The following ZNF385D variants were observed in gnomAD, a reference collection of about 807,000 sequenced individuals.
ZNF385D encodes zinc finger protein 659.
A neutral mutation model predicts 35.8 loss-of-function variants in ZNF385D; 15 were observed. That is an observed-to-expected ratio of 0.42 (90% CI 0.28 to 0.64). ZNF385D has a LOEUF of 0.64. ZNF385D is among the 30% of genes least tolerant of loss of function. ZNF385D has a pLI of 0.23. For synonymous variants in ZNF385D, 212 were observed against 186.8 expected (o/e 1.13, Z -1.10); for missense variants, 474 against 494.6 (o/e 0.96, Z 0.39).
chr3:22,213,408 G>A (rs886656463), intron 2 of ZNF385D, among the ~76,000 whole-genome samples: 1 of 152,020 alleles, frequency 6.6e-6, no homozygotes, highest in African/African-American at 2.4e-5. Context: ...TGGATCTAAA[G>A]CAGAGTGATT....
At chr3:22,094,606 T>G (rs1701516736) in intron 3 of ZNF385D, among the ~76,000 whole-genome samples, 1 of 151,658 alleles carries the variant, frequency 6.6e-6, no homozygotes, top group Admixed American at 6.6e-5. Context: ...AAGGTGTGGT[T>G]TTGAGGACAT....
chr3:21,440,325 G>A lies in ZNF385D; in HGVS notation c.440-3122C>T, dbSNP rs555501423. On this transcript the variant is annotated intron_variant, in intron 4 of 7. Transcript: ENST00000281523. ...ATGATGTGATGAAAATTACCTCTGT[G>A]GGCTTCCTTCTCGTAACCCCTGTCT... is the stretch of plus-strand genomic sequence containing the variant. Among the ~76,000 whole-genome samples the A allele has an allele frequency of 6.6e-5, 10 of 152,120 alleles. No individual in the cohort carries two copies. The South Asian group carries it at 1.9e-3, about 28-fold the overall frequency.
chr3:21,863,951 CTGGGGA>C (rs1238274962), intron 3 of ZNF385D, among the ~76,000 whole-genome samples: 43 of 152,140 alleles, frequency 2.8e-4, no homozygotes, highest in African/African-American at 5.1e-4. Flanking sequence ...TTCAGCAAAT[CTGGGGA>C]AGATGCTACA....
At chr3:21,434,976 A>G (rs1217701885) in intron 5 of ZNF385D, among the ~76,000 whole-genome samples, 3 of 152,156 alleles carry the variant, frequency 2.0e-5, no homozygotes, top group African/African-American at 4.8e-5. Context: ...TAAGATTGTT[A>G]TAATAGTTCT....
At chr3:21,587,218 AT>A in intron 2 of ZNF385D, among the ~76,000 whole-genome samples, 1 of 152,308 alleles carries the variant, frequency 6.6e-6, no homozygotes, top group East Asian at 1.9e-4. Context: ...ACTCAAATGT[AT>A]ACATAAGAAA....
intron 3 of ZNF385D, among the ~76,000 whole-genome samples, chr3:22,059,906 C>G (rs2125539428): frequency 6.6e-6 from 1 of 152,248 alleles, no homozygotes; most frequent in Admixed American, 6.5e-5. Flanking sequence ...TCCACCTTCA[C>G]CAATGTGGGC....
intron 3 of ZNF385D, among the ~76,000 whole-genome samples, chr3:21,800,262 T>G (rs1161853336): frequency 6.6e-6 from 1 of 152,222 alleles, no homozygotes; most frequent in Non-Finnish European, 1.5e-5. Flanking sequence ...AAGATCTATG[T>G]GTTCATTTAC....
chr3:22,330,405 T>C (rs908981676), intron 2 of ZNF385D, among the ~76,000 whole-genome samples: 2 of 152,208 alleles, frequency 1.3e-5, no homozygotes, highest in African/African-American at 4.8e-5. Context: ...TTTTGGAATG[T>C]AGGTTTGCAG....
At chr3:21,825,878 G>C (rs1368639017) in intron 3 of ZNF385D, among the ~76,000 whole-genome samples, 1 of 152,172 alleles carries the variant, frequency 6.6e-6, no homozygotes, top group Non-Finnish European at 1.5e-5. Flanking sequence ...CAAAGGTTAC[G>C]GCCTGAGCTC....
At chr3:21,928,745 A>G (rs1395657725) in intron 3 of ZNF385D, among the ~76,000 whole-genome samples, 1 of 152,202 alleles carries the variant, frequency 6.6e-6, no homozygotes, top group Non-Finnish European at 1.5e-5. Flanking sequence ...GATAAAATGG[A>G]CATATTCATA....
In ZNF385D at chr3:21,456,945, T is replaced by C. The variant is rs76140979; in HGVS notation, c.440-19742A>G. Among the ~76,000 whole-genome samples the C allele has an allele frequency of 9.7e-3, 1,470 of 152,264 alleles. 19 individuals are homozygous for C. The highest frequency in any genetic ancestry group is 0.033 in the African/African-American group (1,372 of 41,552). ...CCCCTTTATCTCCCTTGCCTTTTTCTTCTCCATTGCAGTTATCACATTCAA... is the reference window on the plus strand; with the variant it reads ...CCCCTTTATCTCCCTTGCCTTTTTCCTCTCCATTGCAGTTATCACATTCAA... On this transcript the variant is annotated intron_variant, in intron 4 of 7. Coordinates refer to ENST00000281523, the MANE Select transcript of ZNF385D (RefSeq NM_024697.3).
intron 3 of ZNF385D, among the ~76,000 whole-genome samples, chr3:21,995,959 A>G (rs536198805): frequency 2.0e-5 from 3 of 152,028 alleles, no homozygotes; most frequent in African/African-American, 7.2e-5. Flanking sequence ...AGTGCTGGGG[A>G]CCTGGCTGCA....
chr3:22,024,026 G>C (rs764676109), intron 3 of ZNF385D, among the ~76,000 whole-genome samples: 6 of 152,126 alleles, frequency 3.9e-5, no homozygotes, highest in Non-Finnish European at 5.9e-5. Flanking sequence ...ATTAACATTT[G>C]AGTAAGTGGA....
chr3:21,612,390 G>A (rs915010374), intron 2 of ZNF385D, among the ~76,000 whole-genome samples: 6 of 152,062 alleles, frequency 3.9e-5, no homozygotes, highest in African/African-American at 7.2e-5. Context: ...GAGCCACCAC[G>A]CCTGGCTGGA....
intron 1 of ZNF385D, among the ~76,000 whole-genome samples, chr3:21,696,001 G>A (rs1051092968): frequency 3.3e-5 from 5 of 152,090 alleles, no homozygotes; most frequent in Non-Finnish European, 7.4e-5. Flanking sequence ...AGTGCTAGTG[G>A]TATTATAGCC....
At chr3:21,499,287 A>T (rs1448115500) in intron 4 of ZNF385D, among the ~76,000 whole-genome samples, 1 of 152,216 alleles carries the variant, frequency 6.6e-6, no homozygotes, top group Admixed American at 6.5e-5. Context: ...ACCATGGAAT[A>T]CTATGTAAAC....
chr3:22,273,917 T>C (rs1206952450), intron 2 of ZNF385D, among the ~76,000 whole-genome samples: 1 of 152,148 alleles, frequency 6.6e-6, no homozygotes, highest in African/African-American at 2.4e-5. Context: ...ATGTTTTTCC[T>C]ACAAAAAGAA....
chr3:21,618,655 C>T (rs1277035248), intron 2 of ZNF385D, among the ~76,000 whole-genome samples: 1 of 152,082 alleles, frequency 6.6e-6, no homozygotes, highest in African/African-American at 2.4e-5. Flanking sequence ...AATCAGTACA[C>T]CTTAGGTTCT....
At position 21,651,287 on chromosome 3, in the gene ZNF385D, C is replaced by CA. The variant is rs71044931; in HGVS notation, c.165+13598dup. Among the ~76,000 whole-genome samples, 184 of 80,104 alleles carry CA rather than the reference C, an allele frequency of 2.3e-3. 11 individuals carry two copies. The highest frequency in any genetic ancestry group is 0.016 in the South Asian group (26 of 1,612). The allele number at this position is 80,104 out of a possible 152,430, so 52.6% of individuals were successfully genotyped here. ...TGGGCGACAGAGCGAGACTTCATCT[C>CA]AAAAAAAAAAAAAAAAAAAAAAAAA... is the stretch of plus-strand genomic sequence containing the variant. On this transcript the variant is annotated intron_variant, in intron 2 of 7. Transcript: ENST00000281523.
Sources: gnomAD v4.1 joint callset for allele counts (sites outside exome capture counted in the v4.1 genomes callset) on GRCh38, gnomAD v4.1.1 for gene constraint, MANE v1.5 for transcripts, NCBI Gene and HGNC (gene_info 2026-07-23, HGNC 2026-07-21) for gene names.